ELOVL5: variants seen among roughly 807,000 people sequenced by gnomAD.
ELOVL5 encodes the protein ELOVL fatty acid elongase 5.
Under a neutral mutation model 38.6 loss-of-function variants are expected in ELOVL5, and 8 were observed. The observed-to-expected ratio is 0.21, with a 90% CI of 0.12 to 0.37. The LOEUF (loss-of-function observed/expected upper bound fraction) is 0.37. ELOVL5 is among the 10% of genes least tolerant of loss of function. The pLI is 1.00. For missense variants in ELOVL5, 280 were observed against 367.8 expected (o/e 0.76, Z 1.95); for synonymous variants, 127 against 133.7 (o/e 0.95, Z 0.34).
intron 1 of ELOVL5, among the ~76,000 whole-genome samples, chr6:53,348,518 A>G (rs1769681296): frequency 6.6e-6 from 1 of 152,160 alleles, no homozygotes; most frequent in African/African-American, 2.4e-5. Context: ...CAGCGCGCAC[A>G]GGTGGGACCG....
At chr6:53,304,913 C>T (rs1359051949) in intron 1 of ELOVL5, among the ~76,000 whole-genome samples, 2 of 152,220 alleles carry the variant, frequency 1.3e-5, no homozygotes, top group East Asian at 1.9e-4. Context: ...CCATTGTCAT[C>T]ATGGCCCGTT....
intron 1 of ELOVL5, among the ~76,000 whole-genome samples, chr6:53,306,214 AGAGG>A (rs746582113): frequency 0.16 from 2,513 of 15,884 alleles, 163 homozygotes; most frequent in Admixed American, 0.27. Flanking sequence ...GAGAAAGGGG[AGAGG>A]GGAGAGGGGA....
intron 1 of ELOVL5, among the ~76,000 whole-genome samples, chr6:53,348,570 C>T (rs1769683922): frequency 6.6e-6 from 1 of 152,190 alleles, no homozygotes. Flanking sequence ...TCAGCCTCGG[C>T]GTGGGGCGAG....
At chr6:53,300,349 C>T (rs1767201367) in intron 1 of ELOVL5, among the ~76,000 whole-genome samples, 1 of 152,130 alleles carries the variant, frequency 6.6e-6, no homozygotes, top group African/African-American at 2.4e-5. Context: ...GTGCCTACCA[C>T]ATGCTAGGCA....
intron 6 of ELOVL5, 132 bp from the exon 7 acceptor site, chr6:53,270,859 T>A (rs1484804511): frequency 1.0e-6 from 1 of 962,428 alleles, no homozygotes; most frequent in Non-Finnish European, 1.5e-6. Context: ...GGTACAGCAG[T>A]CACTTCATGA....
chr6:53,274,946 TA>T, intron 5 of ELOVL5, 143 bp downstream of exon 5: 1 of 777,684 alleles, frequency 1.3e-6, no homozygotes, highest in Non-Finnish European at 2.0e-6. Flanking sequence ...CATAGGTACA[TA>T]AACTATCATT....
chr6:53,301,945 A>C (rs1286200509), intron 1 of ELOVL5, among the ~76,000 whole-genome samples: 1 of 152,176 alleles, frequency 6.6e-6, no homozygotes, highest in African/African-American at 2.4e-5. Context: ...AGCTGAAAGG[A>C]GCAAGAGAGT....
Position 53,324,264 on chromosome 6 carries a change from A to G in ELOVL5, c.-9+24553T>C, listed in dbSNP as rs796887956. 1.7e-3 allele frequency among the ~76,000 whole-genome samples: 251 copies of G among 151,672 alleles called. 1 individual carries two copies. Among genetic ancestry groups the G allele is most frequent in the Middle Eastern group, 0.01 (3 of 290 alleles). On this transcript the variant is annotated intron_variant, in intron 1 of 7. Transcript: ENST00000304434. ...CGAGACTCTACCTCAAAAAAAAAAA[A>G]AAAAAAAAAAAGAAAAAAAAGAAAA...
chr6:53,306,526 T>A (rs189358183), intron 1 of ELOVL5, among the ~76,000 whole-genome samples: 1 of 152,050 alleles, frequency 6.6e-6, no homozygotes, highest in East Asian at 1.9e-4. Flanking sequence ...TATAGAACAT[T>A]TTTTCAGCAG....
chr6:53,329,181 AACTACT>A (rs898773205), intron 1 of ELOVL5, among the ~76,000 whole-genome samples: 19 of 135,838 alleles, frequency 1.4e-4, no homozygotes, highest in South Asian at 2.4e-4. Context: ...AAGTATAACT[AACTACT>A]ACTACTACTA....
At chr6:53,303,742 A>G (rs1323478865) in intron 1 of ELOVL5, among the ~76,000 whole-genome samples, 5 of 152,256 alleles carry the variant, frequency 3.3e-5, no homozygotes, top group Non-Finnish European at 7.3e-5. Flanking sequence ...TTTAGGGTCA[A>G]CACAGAAGCC....
intron 1 of ELOVL5, among the ~76,000 whole-genome samples, chr6:53,301,287 AG>A (rs1767239025): frequency 6.6e-6 from 1 of 152,168 alleles, no homozygotes; most frequent in Admixed American, 6.5e-5. Context: ...ATCACACTAC[AG>A]GCAGCCTGGG....
chr6:53,319,205 A>G (rs1321738294), intron 1 of ELOVL5, among the ~76,000 whole-genome samples: 2 of 140,276 alleles, frequency 1.4e-5, no homozygotes, highest in South Asian at 2.4e-4. Context: ...CGGTAGGCGG[A>G]GCTTGCAGTG....
At chr6:53,346,487 G>A (rs192484674) in intron 1 of ELOVL5, among the ~76,000 whole-genome samples, 14 of 152,132 alleles carry the variant, frequency 9.2e-5, no homozygotes, top group South Asian at 2.1e-4. Flanking sequence ...GTACATGTGC[G>A]TATTAATAAG....
chr6:53,274,944 C>A, intron 5 of ELOVL5, 146 bp downstream of exon 5: 1 of 755,264 alleles, frequency 1.3e-6, no homozygotes, highest in Non-Finnish European at 2.1e-6. Context: ...TGCATAGGTA[C>A]ATAAACTATC....
chr6:53,272,893 G>T (rs955619058), intron 6 of ELOVL5, among the ~76,000 whole-genome samples: 2 of 148,196 alleles, frequency 1.3e-5, no homozygotes, highest in African/African-American at 2.6e-5. Flanking sequence ...TTGGATTTTG[G>T]ACTATAATTA....
intron 1 of ELOVL5, among the ~76,000 whole-genome samples, chr6:53,312,208 AG>A (rs1448314396): frequency 6.6e-6 from 1 of 152,236 alleles, no homozygotes; most frequent in African/African-American, 2.4e-5. Context: ...CATTTATTTT[AG>A]AGAAATGAAA....
At chr6:53,291,129 G>C (rs1046748847) in intron 3 of ELOVL5, among the ~76,000 whole-genome samples, 6 of 152,282 alleles carry the variant, frequency 3.9e-5, no homozygotes, top group African/African-American at 1.4e-4. Context: ...GAGAAGGGTT[G>C]ATTCTGATTT....
rs576872517 is a variant in ELOVL5 at position 53,300,179 on chromosome 6, C to A, written c.-8-4472G>T. Among the ~76,000 whole-genome samples the A allele has an allele frequency of 1.2e-4, 19 of 152,244 alleles. No individual in the cohort carries two copies. The South Asian group carries it at 3.9e-3, about 32-fold the overall frequency. On this transcript the variant is annotated intron_variant, in intron 1 of 7. Transcript: ENST00000304434. Reference sequence around the variant, plus strand: ...CCCACAATTGGATATATACTGTAATCTTCTCAGGCAAGGCTGTTTGTTTCT... The same window carrying A: ...CCCACAATTGGATATATACTGTAATATTCTCAGGCAAGGCTGTTTGTTTCT...
Sources: gnomAD v4.1 joint callset for allele counts (sites outside exome capture counted in the v4.1 genomes callset) on GRCh38, gnomAD v4.1.1 for gene constraint, MANE v1.5 for transcripts, NCBI Gene and HGNC (gene_info 2026-07-23, HGNC 2026-07-21) for gene names.